Variants in DGKB observed in about 807,000 individuals in gnomAD.
DGKB encodes the protein 90 kDa diacylglycerol kinase.
DGKB carries 67 observed loss-of-function variants against 114.3 expected under a neutral mutation model. That is an observed-to-expected ratio of 0.59 (90% confidence interval 0.48 to 0.72). The LOEUF (loss-of-function observed/expected upper bound fraction) is 0.72, where lower values mean the gene tolerates loss of function less well. Ranked by LOEUF, DGKB falls within the 30% of genes least tolerant of loss-of-function variation. The probability of loss-of-function intolerance (pLI) is 0.00; values close to 1 mark genes in which losing one functional copy is unlikely to be tolerated. For synonymous variants in DGKB, 398 were observed against 323.1 expected (o/e 1.23, Z -2.49); for missense variants, 907 against 975.2 (o/e 0.93, Z 0.93).
intron 21 of DGKB, among the ~76,000 whole-genome samples, chr7:14,376,168 G>A (rs899231911): frequency 6.6e-6 from 1 of 152,182 alleles, no homozygotes; most frequent in Non-Finnish European, 1.5e-5. Flanking sequence ...GCTTGCACTT[G>A]TGTTGGTGGC....
chr7:14,298,626 G>T (rs925261307), intron 23 of DGKB, among the ~76,000 whole-genome samples: 15 of 152,132 alleles, frequency 9.9e-5, no homozygotes, highest in Admixed American at 6.6e-4. Context: ...CAGGGCATAG[G>T]CATGGGCAAA....
At chr7:14,852,103 G>A (rs543900483) in intron 1 of DGKB, among the ~76,000 whole-genome samples, 12 of 152,238 alleles carry the variant, frequency 7.9e-5, no homozygotes, top group African/African-American at 2.9e-4. Flanking sequence ...ACTACAACAA[G>A]TTACTTCAGG....
At chr7:14,919,080 AC>A (rs1784383426) in intron 1 of DGKB, among the ~76,000 whole-genome samples, 2 of 129,942 alleles carry the variant, frequency 1.5e-5, no homozygotes, top group Admixed American at 8.0e-5. Context: ...ACACACACAC[AC>A]ACACACACAC....
chr7:14,412,156 T>C (rs1188350503), intron 21 of DGKB, among the ~76,000 whole-genome samples: 4 of 152,132 alleles, frequency 2.6e-5, no homozygotes, highest in Admixed American at 6.5e-5. Context: ...AGACCAGAAG[T>C]CTATAAACAT....
At position 14,345,406 on chromosome 7, in the gene DGKB, G is replaced by A; in HGVS notation, c.1836-15C>T. ...TGTTCTTCATTCTGAAAAAGAAAAG[G>A]AAGAAGCACCTTAGGCAATTATCAA... On this transcript the variant is annotated splice_polypyrimidine_tract_variant and intron_variant, in intron 21 of 25. Coordinates refer to ENST00000402815, the MANE Select transcript of DGKB (RefSeq NM_001350709.2). 7.2e-7 allele frequency: 1 copy of A among 1,397,852 alleles called. No individual in the cohort carries two copies. Among genetic ancestry groups the A allele is most frequent in the Non-Finnish European group, 9.8e-7 (1 of 1,015,574 alleles). The allele number at this position is 1,397,852 out of a possible 1,614,324, so 86.6% of individuals were successfully genotyped here.
Position 14,825,014 on chromosome 7 carries a change from A to ATGTG in DGKB, c.70+16179_70+16180insCACA, listed in dbSNP as rs201521930. Among the ~76,000 whole-genome samples, 383 of 77,968 alleles carry ATGTG rather than the reference A, an allele frequency of 4.9e-3. 8 individuals carry two copies. The highest frequency in any genetic ancestry group is 0.021 in the African/African-American group (337 of 16,292). The allele number at this position is 77,968 out of a possible 152,430, so 51.2% of individuals were successfully genotyped here. On this transcript the variant is annotated intron_variant, in intron 2 of 25. Transcript: ENST00000402815. ...TGTGTGTATATATATATGTATGTGT[A>ATGTG]TGTATATATATATATATATATATAT...
At chr7:14,966,882 T>A (rs1374136285) in intron 1 of DGKB, among the ~76,000 whole-genome samples, 1 of 152,158 alleles carries the variant, frequency 6.6e-6, no homozygotes, top group Non-Finnish European at 1.5e-5. Context: ...CATTGCAGAA[T>A]GTTAAATAAA....
At chr7:14,717,066 G>T (rs545131836) in intron 6 of DGKB, among the ~76,000 whole-genome samples, 4 of 151,990 alleles carry the variant, frequency 2.6e-5, no homozygotes, top group Admixed American at 2.0e-4. Context: ...CAGTGGATGA[G>T]ATTCATCATG....
At chr7:14,167,475 A>G (rs1344664910) in intron 25 of DGKB, among the ~76,000 whole-genome samples, 1 of 152,130 alleles carries the variant, frequency 6.6e-6, no homozygotes, top group Admixed American at 6.6e-5. Context: ...CAGAGAAACA[A>G]TATGAGAGCC....
intron 1 of DGKB, among the ~76,000 whole-genome samples, chr7:14,900,031 T>A (rs1272590893): frequency 1.3e-5 from 2 of 152,302 alleles, no homozygotes; most frequent in African/African-American, 4.8e-5. Context: ...GAGGGGCATA[T>A]GTAAATGAGA....
chr7:14,505,164 A>G (rs1483935832), intron 20 of DGKB, among the ~76,000 whole-genome samples: 2 of 152,184 alleles, frequency 1.3e-5, no homozygotes, highest in Non-Finnish European at 2.9e-5. Flanking sequence ...TCAAGAATAG[A>G]CTAAACTTGG....
intron 23 of DGKB, among the ~76,000 whole-genome samples, chr7:14,292,364 G>A (rs1801900470): frequency 6.6e-6 from 1 of 152,098 alleles, no homozygotes; most frequent in South Asian, 2.1e-4. Context: ...CTTTCTCACA[G>A]TATTTTATGT....
At chr7:14,770,993 G>A (rs920645264) in intron 2 of DGKB, among the ~76,000 whole-genome samples, 1 of 151,948 alleles carries the variant, frequency 6.6e-6, no homozygotes, top group Non-Finnish European at 1.5e-5. Context: ...AATTAAATAA[G>A]TTTTATTGGG....
intron 16 of DGKB, among the ~76,000 whole-genome samples, chr7:14,608,867 G>T (rs909692809): frequency 6.6e-6 from 1 of 151,940 alleles, no homozygotes. Flanking sequence ...AAGGAAGGAG[G>T]TGAAAGTGCT....
At chr7:14,251,659 C>T (rs1795258871) in intron 23 of DGKB, among the ~76,000 whole-genome samples, 2 of 152,044 alleles carry the variant, frequency 1.3e-5, no homozygotes, top group South Asian at 4.2e-4. Flanking sequence ...CTTAAGAACT[C>T]TAGCTTTTCT....
chr7:14,166,351 A>C (rs994375883), intron 25 of DGKB, among the ~76,000 whole-genome samples: 13 of 152,172 alleles, frequency 8.5e-5, no homozygotes, highest in African/African-American at 3.1e-4. Context: ...TGTTTTCTCA[A>C]ATTGGGTATG....
At chr7:14,678,689 T>C (rs1475572053) in intron 12 of DGKB, among the ~76,000 whole-genome samples, 1 of 152,040 alleles carries the variant, frequency 6.6e-6, no homozygotes, top group African/African-American at 2.4e-5. Context: ...AAACTAGTAT[T>C]TTCAGAAGAT....
chr7:14,320,612 G>A (rs2128532745), intron 23 of DGKB, among the ~76,000 whole-genome samples: 1 of 151,146 alleles, frequency 6.6e-6, no homozygotes, highest in South Asian at 2.1e-4. Context: ...CATATATGTG[G>A]TACATATATA....
chr7:14,366,969 G>A (rs1457442180), intron 21 of DGKB, among the ~76,000 whole-genome samples: 1 of 152,082 alleles, frequency 6.6e-6, no homozygotes, highest in Middle Eastern at 3.2e-3. Context: ...GGCTCAACTT[G>A]TGATTTTCAT....
Sources: allele counts gnomAD v4.1 joint callset (sites outside exome capture counted in the v4.1 genomes callset), GRCh38; gene constraint gnomAD v4.1.1; transcripts MANE v1.5; gene names NCBI Gene and HGNC (gene_info 2026-07-23, HGNC 2026-07-21).